DLGAP2: variants seen among roughly 807,000 people sequenced by gnomAD.
DLGAP2 encodes the protein DLG associated protein 2, also known as disks large-associated protein 2.
In DLGAP2, 26 loss-of-function variants were observed where a neutral mutation model predicts 100.3. That is an observed-to-expected ratio of 0.26 (90% CI 0.19 to 0.36). The LOEUF is 0.36. DLGAP2 is among the 10% of genes least tolerant of loss of function. DLGAP2 has a pLI of 1.00. For missense variants in DLGAP2, 1,858 were observed against 1,453.2 expected, an observed-to-expected ratio of 1.28 and a Z score of -4.53; for synonymous variants, 886 against 630.1, an observed-to-expected ratio of 1.41 and a Z score of -6.08.
chr8:841,680 C>T lies in DLGAP2; in HGVS notation c.19-66232C>T, dbSNP rs989019984. ...CACTGCAGCCTTGAACTCCTGGGCT[C>T]AAGCGATTCTCCTGCCTCAGCCTCT... On this transcript the variant is annotated intron_variant, in intron 1 of 14. Coordinates refer to ENST00000637795, the MANE Select transcript of DLGAP2 (RefSeq NM_001346810.2). Among the ~76,000 whole-genome samples the T allele has an allele frequency of 1.3e-5, 2 of 152,216 alleles. 1 individual carries two copies. The highest frequency in any genetic ancestry group is 4.2e-4 in the South Asian group (2 of 4,814).
intron 1 of DLGAP2, among the ~76,000 whole-genome samples, chr8:868,776 C>T (rs1437955173): frequency 6.6e-6 from 1 of 152,158 alleles, no homozygotes; most frequent in Non-Finnish European, 1.5e-5. Context: ...TCAGGTGGAT[C>T]ACGTGTTCAT....
chr8:1,042,375 A>G (rs1393267580), intron 2 of DLGAP2, among the ~76,000 whole-genome samples: 2 of 152,160 alleles, frequency 1.3e-5, no homozygotes, highest in African/African-American at 4.8e-5. Flanking sequence ...TTCAGGAAAA[A>G]CATGTTAGAC....
intron 1 of DLGAP2, among the ~76,000 whole-genome samples, chr8:873,359 C>G (rs555486112): frequency 6.6e-6 from 1 of 152,254 alleles, no homozygotes; most frequent in South Asian, 2.1e-4. Context: ...ACCACCAGCA[C>G]AATTTTGAAA....
intron 1 of DLGAP2, among the ~76,000 whole-genome samples, chr8:796,353 G>T (rs1796036842): frequency 4.6e-5 from 7 of 152,046 alleles, no homozygotes. Context: ...TTCTGTCACG[G>T]CCCCTCCGAG....
chr8:1,574,824 C>G (rs923153427), intron 6 of DLGAP2, among the ~76,000 whole-genome samples: 26 of 152,176 alleles, frequency 1.7e-4, no homozygotes, highest in Non-Finnish European at 7.3e-5. Context: ...CACGAACATA[C>G]GTGTGACAGG....
At chr8:1,066,199 T>C (rs1308715356) in intron 2 of DLGAP2, among the ~76,000 whole-genome samples, 13 of 133,872 alleles carry the variant, frequency 9.7e-5, no homozygotes, top group East Asian at 6.7e-4. Context: ...CAGGTCTGAG[T>C]GAGGACAGTT....
intron 3 of DLGAP2, among the ~76,000 whole-genome samples, chr8:1,448,049 A>C (rs1037841745): frequency 1.3e-5 from 2 of 152,082 alleles, no homozygotes; most frequent in Non-Finnish European, 2.9e-5. Context: ...TCCTGGATTC[A>C]TTAATTTTTT....
At chr8:1,047,067 A>G (rs1031028456) in intron 2 of DLGAP2, among the ~76,000 whole-genome samples, 5 of 152,184 alleles carry the variant, frequency 3.3e-5, no homozygotes, top group African/African-American at 1.2e-4. Flanking sequence ...AGAGTTGTGC[A>G]GCCATCACCA....
rs529479633 is a variant in DLGAP2 at position 749,945 on chromosome 8, G to T, written c.18+12120G>T. The stretch of plus-strand genomic sequence containing the variant: ...CAGCCTGCTTCTCTGTCTCCACGTG[G>T]CCTCCTCCTCTTCTCCTGGGGTCTC... On this transcript the variant is annotated intron_variant, in intron 1 of 14. Coordinates refer to ENST00000637795, the MANE Select transcript of DLGAP2 (RefSeq NM_001346810.2). Among the ~76,000 whole-genome samples, 3 of 152,240 alleles carry T rather than the reference G, an allele frequency of 2.0e-5. No individual in the cohort carries two copies. The East Asian group carries it at 5.8e-4, about 29-fold the overall frequency.
Position 1,682,612 on chromosome 8 carries a change from C to T in DLGAP2, c.2704+3983C>T, listed in dbSNP as rs142392130. ...GCCTCAGCCTCCCAAGTAGCTGGGA[C>T]TACAGACACGCACCACAGCACCTGG... On this transcript the variant is annotated intron_variant, in intron 12 of 14. Coordinates refer to ENST00000637795, the MANE Select transcript of DLGAP2 (RefSeq NM_001346810.2). Among the ~76,000 whole-genome samples, 865 of 146,146 alleles carry T rather than the reference C, an allele frequency of 5.9e-3. 21 individuals are homozygous for T. The highest frequency in any genetic ancestry group is 0.012 in the South Asian group (56 of 4,722).
At chr8:1,362,963 T>C (rs933630971) in intron 3 of DLGAP2, among the ~76,000 whole-genome samples, 2 of 152,124 alleles carry the variant, frequency 1.3e-5, no homozygotes, top group African/African-American at 4.8e-5. Flanking sequence ...CTCAGGGGAT[T>C]TGAGGGCCTG....
intron 3 of DLGAP2, among the ~76,000 whole-genome samples, chr8:1,417,828 A>T (rs959881141): frequency 1.3e-5 from 2 of 152,156 alleles, no homozygotes; most frequent in African/African-American, 4.8e-5. Flanking sequence ...GCATTTGAAG[A>T]ATTCGATTAT....
chr8:1,661,585 AT>A (rs1426914284), intron 8 of DLGAP2, among the ~76,000 whole-genome samples: 1 of 152,174 alleles, frequency 6.6e-6, no homozygotes, highest in Non-Finnish European at 1.5e-5. Flanking sequence ...GAAAACAGAA[AT>A]GAGGGAGCTG....
chr8:1,355,217 G>C (rs957020474), intron 3 of DLGAP2, among the ~76,000 whole-genome samples: 1 of 152,274 alleles, frequency 6.6e-6, no homozygotes, highest in East Asian at 1.9e-4. Context: ...GCGTGCTGGC[G>C]TGACAGCGGT....
At chr8:1,145,945 A>C (rs1000608686) in intron 2 of DLGAP2, among the ~76,000 whole-genome samples, 3 of 151,782 alleles carry the variant, frequency 2.0e-5, no homozygotes, top group African/African-American at 7.3e-5. Context: ...ACATGAACTC[A>C]TCATTTTTTA....
intron 3 of DLGAP2, among the ~76,000 whole-genome samples, chr8:1,437,016 A>C (rs1797654598): frequency 6.6e-6 from 1 of 151,778 alleles, no homozygotes; most frequent in Admixed American, 6.6e-5. Context: ...GGGCGACGCC[A>C]TCCGGGTCTG....
At position 1,353,245 on chromosome 8, in the gene DLGAP2, A is replaced by G. The variant is rs117334689; in HGVS notation, c.106+94362A>G. 5.2e-3 allele frequency among the ~76,000 whole-genome samples: 791 copies of G among 152,342 alleles called. 4 individuals carry two copies. Among genetic ancestry groups the G allele is most frequent in the Middle Eastern group, 0.017 (5 of 294 alleles). ...TCCCAGCACAGGGCTGTGTGTGCACAGGAGGCTTTCTCTAGACACATGTGA... is the reference window on the plus strand; with the variant it reads ...TCCCAGCACAGGGCTGTGTGTGCACGGGAGGCTTTCTCTAGACACATGTGA... On this transcript the variant is annotated intron_variant, in intron 3 of 14. Transcript: ENST00000637795.
chr8:811,546 G>C (rs953802254), intron 1 of DLGAP2, among the ~76,000 whole-genome samples: 20 of 148,642 alleles, frequency 1.3e-4, no homozygotes, highest in African/African-American at 5.0e-4. Flanking sequence ...ATCATCCTTG[G>C]AATGAGCAGG....
chr8:1,054,422 G>C (rs761757043), intron 2 of DLGAP2, among the ~76,000 whole-genome samples: 1 of 152,146 alleles, frequency 6.6e-6, no homozygotes, highest in Non-Finnish European at 1.5e-5. Context: ...TCTTAGATTT[G>C]TGGTCACCAG....
Sources: allele counts gnomAD v4.1 joint callset (sites outside exome capture counted in the v4.1 genomes callset), GRCh38; gene constraint gnomAD v4.1.1; transcripts MANE v1.5; gene names NCBI Gene and HGNC (gene_info 2026-07-23, HGNC 2026-07-21).